Variants in MAP4K3 observed in about 807,000 individuals in gnomAD.
MAP4K3 encodes the protein mitogen-activated protein kinase kinase kinase kinase 3.
A neutral mutation model predicts 143.5 loss-of-function variants in MAP4K3; 94 were observed. The observed-to-expected ratio is 0.65, with a 90% CI of 0.55 to 0.78. The LOEUF (loss-of-function observed/expected upper bound fraction) is 0.78, where lower values mean the gene tolerates loss of function less well. Among genes scored for constraint, MAP4K3 ranks in the 30% least tolerant of loss-of-function variants. The pLI is 0.00. For missense variants in MAP4K3, 1,077 were observed against 1,068.1 expected (o/e 1.01, Z -0.12); for synonymous variants, 416 against 347.2 (o/e 1.20, Z -2.20).
chr2:39,324,584 G>T (rs1683426935), intron 12 of MAP4K3, among the ~76,000 whole-genome samples: 7 of 152,102 alleles, frequency 4.6e-5, no homozygotes, highest in Admixed American at 4.6e-4. Context: ...TGATAGAAAG[G>T]TTCTCTCTGA....
At chr2:39,418,215 A>C (rs1667439236) in intron 1 of MAP4K3, among the ~76,000 whole-genome samples, 2 of 151,998 alleles carry the variant, frequency 1.3e-5, no homozygotes, top group Admixed American at 6.5e-5. Flanking sequence ...AAAAAAAAAA[A>C]AAACAAATGA....
chr2:39,272,430 G>A (rs138420765), intron 25 of MAP4K3, 30 bp from the exon 26 acceptor site: 1 of 1,599,664 alleles, frequency 6.3e-7, no homozygotes, highest in South Asian at 1.1e-5. Flanking sequence ...TGACATAAAA[G>A]CTAATAATAA....
At chr2:39,305,353 T>C (rs935913877) in intron 15 of MAP4K3, among the ~76,000 whole-genome samples, 2 of 152,086 alleles carry the variant, frequency 1.3e-5, no homozygotes. Flanking sequence ...CACAGTACAG[T>C]GGTTTAGTTT....
chr2:39,332,500 T>G (rs1032822299), intron 7 of MAP4K3, among the ~76,000 whole-genome samples: 2 of 152,054 alleles, frequency 1.3e-5, no homozygotes, highest in Admixed American at 6.6e-5. Context: ...TATCAGTCAC[T>G]ATCAGGAAAT....
chr2:39,294,781 G>A (rs995821462), intron 16 of MAP4K3, among the ~76,000 whole-genome samples: 5 of 152,214 alleles, frequency 3.3e-5, no homozygotes, highest in Admixed American at 1.3e-4. Context: ...TATTACTATT[G>A]GCTAAATAAC....
At chr2:39,430,418 G>C (rs757564517) in intron 1 of MAP4K3, among the ~76,000 whole-genome samples, 9 of 151,904 alleles carry the variant, frequency 5.9e-5, no homozygotes, top group Non-Finnish European at 1.3e-4. Flanking sequence ...GGTCAAGGCA[G>C]TTAGAACTCA....
chr2:39,292,128 C>T lies in MAP4K3; in HGVS notation c.1271+645G>A, dbSNP rs183827046. Among the ~76,000 whole-genome samples, 16 of 151,800 alleles carry T rather than the reference C, an allele frequency of 1.1e-4. No homozygotes were observed. The East Asian group carries it at 3.1e-3, about 29-fold the overall frequency. ...TATTTACATCCAAAGTATTTGTTCACTTGAAATATAACAGATTAAAATTTA... is the reference window on the plus strand; with the variant it reads ...TATTTACATCCAAAGTATTTGTTCATTTGAAATATAACAGATTAAAATTTA... On this transcript the variant is annotated intron_variant, in intron 18 of 33. Coordinates refer to ENST00000263881, the MANE Select transcript of MAP4K3 (RefSeq NM_003618.4).
chr2:39,432,597 T>G (rs1338104457), intron 1 of MAP4K3, among the ~76,000 whole-genome samples: 1 of 152,216 alleles, frequency 6.6e-6, no homozygotes, highest in South Asian at 2.1e-4. Context: ...GTCTTCATAT[T>G]CCTTATCCGT....
chr2:39,392,871 T>C (rs1001532381), intron 1 of MAP4K3, among the ~76,000 whole-genome samples: 4 of 152,180 alleles, frequency 2.6e-5, no homozygotes, highest in South Asian at 2.1e-4. Flanking sequence ...CTGGATGCCA[T>C]CGCCATGCTC....
intron 1 of MAP4K3, among the ~76,000 whole-genome samples, chr2:39,435,560 C>T (rs1665437058): frequency 6.6e-6 from 1 of 152,196 alleles, no homozygotes; most frequent in Non-Finnish European, 1.5e-5. Context: ...GGATCAGGTC[C>T]TCCTATTACA....
At chr2:39,343,365 T>C in intron 4 of MAP4K3, 23 bp downstream of exon 4, 1 of 1,578,910 alleles carries the variant, frequency 6.3e-7, no homozygotes, top group Non-Finnish European at 8.7e-7. Context: ...CTAACCCCTA[T>C]AAAAATACAA....
chr2:39,269,738 C>A (rs1680933480), intron 26 of MAP4K3, among the ~76,000 whole-genome samples: 1 of 152,104 alleles, frequency 6.6e-6, no homozygotes, highest in Non-Finnish European at 1.5e-5. Flanking sequence ...GACAGCTAAA[C>A]AATGACACAG....
At chr2:39,432,047 T>C (rs1665304657) in intron 1 of MAP4K3, among the ~76,000 whole-genome samples, 1 of 152,200 alleles carries the variant, frequency 6.6e-6, no homozygotes, top group Non-Finnish European at 1.5e-5. Context: ...GATCTCAAAC[T>C]ATGACAGCTA....
chr2:39,285,296 T>C (rs12151392), intron 21 of MAP4K3, among the ~76,000 whole-genome samples: 103,960 of 152,162 alleles, frequency 0.68, 39,602 homozygotes, highest in Non-Finnish European at 0.84. Flanking sequence ...CTGAAACAGT[T>C]CCTTATCTTA....
At position 39,437,181 on chromosome 2, in the gene MAP4K3, T is replaced by G; in HGVS notation, c.-194A>C. The G allele has an allele frequency of 2.8e-6, 1 of 357,702 alleles. No homozygotes were observed. The highest frequency in any genetic ancestry group is 4.9e-6 in the Non-Finnish European group (1 of 204,184). The allele number at this position is 357,702 out of a possible 1,614,324, so 22.2% of individuals were successfully genotyped here. A position where few individuals can be genotyped will look rare whatever the true frequency, so the allele number is the denominator to read the frequency against. ...GCGGACGACGACAAGCGGCCAATCG[T>G]CCCCGCCCCCCGCGGCCCGCCGCCG... is the stretch of plus-strand genomic sequence containing the variant. On this transcript the variant is annotated 5_prime_UTR_variant, in exon 1 of 34. Coordinates refer to ENST00000263881, the MANE Select transcript of MAP4K3 (RefSeq NM_003618.4).
At chr2:39,287,476 T>TC (rs1347018747) in intron 20 of MAP4K3, among the ~76,000 whole-genome samples, 1 of 152,144 alleles carries the variant, frequency 6.6e-6, no homozygotes, top group Admixed American at 6.5e-5. Flanking sequence ...TTTGTATTTT[T>TC]TTTTTTAGTA....
At chr2:39,300,465 G>C (rs1682463479) in intron 15 of MAP4K3, among the ~76,000 whole-genome samples, 1 of 152,154 alleles carries the variant, frequency 6.6e-6, no homozygotes, top group Non-Finnish European at 1.5e-5. Flanking sequence ...AGGATGAACA[G>C]TACACATGCT....
intron 1 of MAP4K3, among the ~76,000 whole-genome samples, chr2:39,404,365 T>C (rs1425211606): frequency 6.6e-6 from 1 of 151,910 alleles, no homozygotes; most frequent in Non-Finnish European, 1.5e-5. Context: ...GAATGGTGAG[T>C]CCTAGGTCTG....
intron 2 of MAP4K3, among the ~76,000 whole-genome samples, chr2:39,376,989 A>G: frequency 6.6e-6 from 1 of 152,270 alleles, no homozygotes; most frequent in Non-Finnish European, 1.5e-5. Context: ...AAATCTGTAA[A>G]TATGTATAAC....
Sources: allele counts gnomAD v4.1 joint callset (sites outside exome capture counted in the v4.1 genomes callset), GRCh38; gene constraint gnomAD v4.1.1; transcripts MANE v1.5; gene names NCBI Gene and HGNC (gene_info 2026-07-23, HGNC 2026-07-21).